BACE2: variants seen among roughly 807,000 people sequenced by gnomAD.
BACE2 encodes the protein beta-secretase 2.
In BACE2, 17 loss-of-function variants were observed where a neutral mutation model predicts 46.2. The observed-to-expected ratio is 0.37, with a 90% CI of 0.25 to 0.55. The LOEUF (loss-of-function observed/expected upper bound fraction) is 0.55. BACE2 is among the 20% of genes least tolerant of loss of function. The probability of loss-of-function intolerance (pLI) is 0.82; values close to 1 mark genes in which losing one functional copy is unlikely to be tolerated. For synonymous variants in BACE2, 277 were observed against 295.9 expected (o/e 0.94, Z 0.66); for missense variants, 595 against 698.1 (o/e 0.85, Z 1.66).
intron 1 of BACE2, among the ~76,000 whole-genome samples, chr21:41,212,820 T>C (rs1448676602): frequency 6.6e-6 from 1 of 152,228 alleles, no homozygotes; most frequent in Non-Finnish European, 1.5e-5. Flanking sequence ...CCACCAGCAA[T>C]CTCTGCTGTC....
At chr21:41,199,293 T>G (rs1415087617) in intron 1 of BACE2, among the ~76,000 whole-genome samples, 1 of 151,896 alleles carries the variant, frequency 6.6e-6, no homozygotes, top group Non-Finnish European at 1.5e-5. Context: ...CTCATCTTCC[T>G]CCACCTGCGC....
At chr21:41,223,566 G>C (rs927562704) in intron 1 of BACE2, among the ~76,000 whole-genome samples, 37 of 152,262 alleles carry the variant, frequency 2.4e-4, no homozygotes, top group African/African-American at 8.4e-4. Context: ...CACCCCCCGT[G>C]TGTCTGCTTT....
At chr21:41,195,127 A>G (rs1423723350) in intron 1 of BACE2, among the ~76,000 whole-genome samples, 1 of 152,272 alleles carries the variant, frequency 6.6e-6, no homozygotes, top group Admixed American at 6.5e-5. Flanking sequence ...TTTTATTGGA[A>G]CACAACCATG....
At chr21:41,205,748 C>G (rs889144194) in intron 1 of BACE2, among the ~76,000 whole-genome samples, 1 of 152,162 alleles carries the variant, frequency 6.6e-6, no homozygotes, top group Non-Finnish European at 1.5e-5. Flanking sequence ...TCATCCCTCA[C>G]CAGTGCAAAA....
Position 41,168,562 on chromosome 21 carries a change from C to G in BACE2, c.299C>G (p.Thr100Ser). The change falls in exon 1 of 9, where the codon ACC becomes AGC. Residue 100 changes from threonine to serine, a missense_variant. Physicochemically the swap from Thr to Ser is moderately conservative, Grantham distance 58. This residue lies in a region of BACE2 where 248 missense variants were observed against 261.4 expected (regional missense o/e 0.95). Coordinates refer to ENST00000330333, the MANE Select transcript of BACE2 (RefSeq NM_012105.5). ...TACTACCTGGAGATGCTGATCGGGACCCCCCCGCAGAAGGTAGGGACCCCC... is the reference window on the plus strand; with the variant it reads ...TACTACCTGGAGATGCTGATCGGGAGCCCCCCGCAGAAGGTAGGGACCCCC... Reference protein sequence around the residue: ...RGYYLEMLIGTPPQKLQILVD... With the variant: ...RGYYLEMLIGSPPQKLQILVD... 1 of 1,324,902 alleles carries G rather than the reference C, an allele frequency of 7.5e-7. No homozygotes were observed. The highest frequency in any genetic ancestry group is 9.7e-7 in the Non-Finnish European group (1 of 1,029,652). The allele number at this position is 1,324,902 out of a possible 1,614,324, so 82.1% of individuals were successfully genotyped here.
chr21:41,211,127 A>G (rs1368379998), intron 1 of BACE2, among the ~76,000 whole-genome samples: 1 of 152,100 alleles, frequency 6.6e-6, no homozygotes, highest in Non-Finnish European at 1.5e-5. Flanking sequence ...GAAAACCACC[A>G]CATTCCAGAA....
chr21:41,209,795 T>C (rs1986242409), intron 1 of BACE2, among the ~76,000 whole-genome samples: 1 of 152,162 alleles, frequency 6.6e-6, no homozygotes, highest in South Asian at 2.1e-4. Flanking sequence ...GACACAGGTG[T>C]ATCCTGGGAC....
chr21:41,252,331 C>G (rs1336681707), intron 7 of BACE2: 1 of 152,386 alleles, frequency 6.6e-6, no homozygotes, highest in Non-Finnish European at 1.5e-5. Flanking sequence ...CCACCAACCC[C>G]CCTGCCTGAA....
chr21:41,197,311 G>A (rs531435754), intron 1 of BACE2, among the ~76,000 whole-genome samples: 18 of 143,352 alleles, frequency 1.3e-4, no homozygotes, highest in Non-Finnish European at 2.0e-4. Context: ...AGTCTCTAAA[G>A]ATGAGTTACA....
intron 2 of BACE2, among the ~76,000 whole-genome samples, chr21:41,230,516 C>A (rs552734573): frequency 1.3e-5 from 2 of 152,282 alleles, no homozygotes; most frequent in African/African-American, 4.8e-5. Flanking sequence ...ACAAAGGTTT[C>A]TTTTCTGAGC....
At chr21:41,171,507 T>A (rs1212593917) in intron 1 of BACE2, among the ~76,000 whole-genome samples, 13 of 152,264 alleles carry the variant, frequency 8.5e-5, no homozygotes, top group Non-Finnish European at 1.6e-4. Flanking sequence ...CAGGGCCACG[T>A]TGGCATGGAG....
rs1191082378 is a variant in BACE2 at position 41,193,809 on chromosome 21, A to G, written c.312+25234A>G. Among the ~76,000 whole-genome samples, 1 of 152,182 alleles carries G rather than the reference A, an allele frequency of 6.6e-6. No homozygotes were observed. Among genetic ancestry groups the G allele is most frequent in the South Asian group, 2.1e-4 (1 of 4,832 alleles). ...AAGTACCTGACTTCCGTAAGCCTCTACTTTACTGGAGGACCACAGTGACAT... is the reference window on the plus strand; with the variant it reads ...AAGTACCTGACTTCCGTAAGCCTCTGCTTTACTGGAGGACCACAGTGACAT... On this transcript the variant is annotated intron_variant, in intron 1 of 8. Coordinates refer to ENST00000330333, the MANE Select transcript of BACE2 (RefSeq NM_012105.5). The surrounding 1 kb of genome is among the most constrained non-coding windows in gnomAD (Gnocchi z 4.2).
At chr21:41,233,482 C>T (rs934371761) in intron 2 of BACE2, among the ~76,000 whole-genome samples, 1 of 152,286 alleles carries the variant, frequency 6.6e-6, no homozygotes, top group South Asian at 2.1e-4. Flanking sequence ...CCAGAGTGCT[C>T]CCTCTGTAAG....
intron 1 of BACE2, among the ~76,000 whole-genome samples, chr21:41,199,254 G>A (rs541538853): frequency 3.3e-4 from 50 of 152,092 alleles, no homozygotes; most frequent in African/African-American, 5.1e-4. Flanking sequence ...TTGTGGTGCC[G>A]GGGAGGAGCT....
At position 41,265,173 on chromosome 21, in the gene BACE2, C is replaced by CTT. The variant is rs78649572; in HGVS notation, c.1303+7860_1303+7861dup. Among the ~76,000 whole-genome samples the CTT allele has an allele frequency of 1.4e-4, 17 of 123,298 alleles. No individual in the cohort carries two copies. The South Asian group carries it at 1.6e-3, about 11-fold the overall frequency. 80.9% of individuals were successfully genotyped at this position (123,298 alleles called of 152,430 possible). A position where few individuals can be genotyped will look rare whatever the true frequency, so the allele number is the denominator to read the frequency against. On this transcript the variant is annotated intron_variant, in intron 8 of 8. Coordinates refer to ENST00000330333, the MANE Select transcript of BACE2 (RefSeq NM_012105.5). ...ATCATACTAATGCCTAAAGTCCTTC[C>CTT]TTTTTTTTTTTTTTCAAGCCTCATA...
chr21:41,233,495 G>T (rs2123587185), intron 2 of BACE2, among the ~76,000 whole-genome samples: 1 of 152,348 alleles, frequency 6.6e-6, no homozygotes, highest in South Asian at 2.1e-4. Flanking sequence ...TCTGTAAGGA[G>T]ACCAGCAACC....
intron 1 of BACE2, among the ~76,000 whole-genome samples, chr21:41,219,981 C>G (rs1272045566): frequency 1.3e-5 from 2 of 152,180 alleles, no homozygotes; most frequent in African/African-American, 4.8e-5. Context: ...CCCAAGACTG[C>G]CCCCAGCTTC....
intron 7 of BACE2, among the ~76,000 whole-genome samples, chr21:41,253,585 T>A (rs1028364414): frequency 6.6e-6 from 1 of 151,998 alleles, no homozygotes; most frequent in Non-Finnish European, 1.5e-5. Flanking sequence ...GCTGAATAAA[T>A]GTCAGGCACC....
intron 1 of BACE2, among the ~76,000 whole-genome samples, chr21:41,224,523 C>G (rs1354953507): frequency 6.6e-6 from 1 of 152,158 alleles, no homozygotes; most frequent in Non-Finnish European, 1.5e-5. Flanking sequence ...CTTTTTAAAC[C>G]TGTTTTTCAA....
Sources: gnomAD v4.1 joint callset for allele counts (sites outside exome capture counted in the v4.1 genomes callset) on GRCh38, gnomAD v4.1.1 for gene constraint, gnomAD v4.1.1 regional missense constraint, Gnocchi (gnomAD v3.1) non-coding constraint, MANE v1.5 for transcripts, NCBI Gene and HGNC (gene_info 2026-07-23, HGNC 2026-07-21) for gene names.